The following SLC8A1 variants were observed in gnomAD, a reference collection of about 807,000 sequenced individuals.
The protein encoded by SLC8A1 is solute carrier family 8 member A1.
Under a neutral mutation model 68.3 loss-of-function variants are expected in SLC8A1, and 18 were observed. That is an observed-to-expected ratio of 0.26 (90% confidence interval 0.18 to 0.39). The LOEUF (loss-of-function observed/expected upper bound fraction) is 0.39, where lower values mean the gene tolerates loss of function less well. Ranked by LOEUF, SLC8A1 falls within the 10% of genes least tolerant of loss-of-function variation. SLC8A1 has a pLI of 1.00. For synonymous variants in SLC8A1, 475 were observed against 415.5 expected, an observed-to-expected ratio of 1.14 and a Z score of -1.74; for missense variants, 985 against 1,156.7, an observed-to-expected ratio of 0.85 and a Z score of 2.15.
upstream of SLC8A1, among the ~76,000 whole-genome samples, chr2:40,456,170 G>T (rs1012893907): frequency 6.6e-6 from 1 of 152,048 alleles, no homozygotes; most frequent in Non-Finnish European, 1.5e-5. Context: ...CAAAAAATTA[G>T]CCGGGCGTGG....
rs1294830567 is a variant in SLC8A1 at position 40,299,671 on chromosome 2, T to C, written c.1809-121816A>G. Among the ~76,000 whole-genome samples, 8 of 152,152 alleles carry C rather than the reference T, an allele frequency of 5.3e-5. No individual in the cohort carries two copies. In the East Asian group the frequency reaches 1.5e-3, roughly 29 times the overall value. ...TGCCTAAATCCTCCCCCACCTTCAA[T>C]GCCATTGCTCTATGCTACACCTGCA... On this transcript the variant is annotated intron_variant, in intron 2 of 7. Coordinates refer to ENST00000406785, the Ensembl canonical transcript of SLC8A1.
intron 1 of SLC8A1, among the ~76,000 whole-genome samples, chr2:40,484,097 A>T (rs1201258091): frequency 6.6e-6 from 1 of 152,238 alleles, no homozygotes; most frequent in Non-Finnish European, 1.5e-5. Context: ...TAACATGACT[A>T]TATATTTTAA....
chr2:40,361,224 C>G lies in SLC8A1; in HGVS notation c.1808+67249G>C, dbSNP rs192573361. 9.7e-4 allele frequency among the ~76,000 whole-genome samples: 148 copies of G among 152,234 alleles called. 2 individuals are homozygous for G. The highest frequency in any genetic ancestry group is 9.6e-3 in the Admixed American group (147 of 15,278). On this transcript the variant is annotated intron_variant, in intron 2 of 7. Coordinates refer to ENST00000406785, the Ensembl canonical transcript of SLC8A1. ...ATACTCTCTAAGCACACTAGGCAAT[C>G]AGTGCTTGCTAGGAGTTCACATAAT...
intron 2 of SLC8A1, among the ~76,000 whole-genome samples, chr2:40,239,879 A>G (rs1484390656): frequency 6.6e-6 from 1 of 152,184 alleles, no homozygotes; most frequent in Non-Finnish European, 1.5e-5. Context: ...TTGCATGTAG[A>G]TTACTTCTTT....
chr2:40,256,737 T>C (rs985339268), intron 2 of SLC8A1, among the ~76,000 whole-genome samples: 3 of 152,194 alleles, frequency 2.0e-5, no homozygotes, highest in Non-Finnish European at 1.5e-5. Flanking sequence ...CACCAGATTT[T>C]GAGCTGGGCT....
At chr2:40,390,723 C>T (rs548759924) in intron 2 of SLC8A1, among the ~76,000 whole-genome samples, 29 of 152,098 alleles carry the variant, frequency 1.9e-4, no homozygotes, top group African/African-American at 5.8e-4. Flanking sequence ...TTTAACAACC[C>T]GATATGTAAC....
At chr2:40,268,218 T>C (rs577158442) in intron 2 of SLC8A1, among the ~76,000 whole-genome samples, 1 of 152,250 alleles carries the variant, frequency 6.6e-6, no homozygotes, top group South Asian at 2.1e-4. Context: ...CCTTTGAGTG[T>C]AGTACCATTA....
intron 2 of SLC8A1, among the ~76,000 whole-genome samples, chr2:40,253,000 C>CT (rs2063118843): frequency 7.6e-6 from 1 of 132,206 alleles, no homozygotes; most frequent in Admixed American, 7.8e-5. Flanking sequence ...TATGTATATA[C>CT]ATATATATGT....
chr2:40,431,999 C>G (rs537829544), intron 1 of SLC8A1, among the ~76,000 whole-genome samples: 1 of 152,042 alleles, frequency 6.6e-6, no homozygotes, highest in Non-Finnish European at 1.5e-5. Flanking sequence ...GAATTCAAAA[C>G]TAAGTAAAAG....
At chr2:40,397,678 C>T (rs910819554) in intron 2 of SLC8A1, among the ~76,000 whole-genome samples, 27 of 152,274 alleles carry the variant, frequency 1.8e-4, no homozygotes, top group African/African-American at 6.5e-4. Flanking sequence ...TCAGGCCCTA[C>T]CCTGAGACAA....
intron 1 of SLC8A1, among the ~76,000 whole-genome samples, chr2:40,474,235 G>C (rs1435102481): frequency 1.3e-5 from 2 of 152,076 alleles, no homozygotes; most frequent in African/African-American, 2.4e-5. Context: ...ATATACTTAG[G>C]AATTAACAGA....
chr2:40,387,382 G>A (rs1683891709), intron 2 of SLC8A1, among the ~76,000 whole-genome samples: 1 of 151,466 alleles, frequency 6.6e-6, no homozygotes, highest in Non-Finnish European at 1.5e-5. Flanking sequence ...GGGGTAGGAT[G>A]GGAAGATACA....
intron 2 of SLC8A1, among the ~76,000 whole-genome samples, chr2:40,277,638 C>A (rs1411133405): frequency 6.6e-6 from 1 of 151,618 alleles, no homozygotes; most frequent in African/African-American, 2.4e-5. Context: ...CTGCAAAGAC[C>A]TTAGCCCAGC....
chr2:40,253,107 ATACGTG>A (rs1384251022), intron 2 of SLC8A1, among the ~76,000 whole-genome samples: 1 of 109,906 alleles, frequency 9.1e-6, no homozygotes, highest in African/African-American at 4.0e-5. Flanking sequence ...ATATACATAT[ATACGTG>A]TATACATATA....
At chr2:40,493,204 A>G (rs888924619) in intron 1 of SLC8A1, among the ~76,000 whole-genome samples, 3 of 152,086 alleles carry the variant, frequency 2.0e-5, no homozygotes, top group Admixed American at 6.6e-5. Context: ...AGGGACATGG[A>G]TGGAATTGGA....
At chr2:40,211,741 AG>A (rs1348970478) in intron 2 of SLC8A1, among the ~76,000 whole-genome samples, 1 of 152,218 alleles carries the variant, frequency 6.6e-6, no homozygotes, top group African/African-American at 2.4e-5. Flanking sequence ...GTCATCCTTA[AG>A]GGGCTGGATT....
intron 2 of SLC8A1, among the ~76,000 whole-genome samples, chr2:40,409,626 T>C (rs367679627): frequency 2.6e-4 from 40 of 152,134 alleles, no homozygotes; most frequent in East Asian, 1.2e-3. Flanking sequence ...GAAAAAGTGT[T>C]GGAGGTGGTG....
intron 2 of SLC8A1, among the ~76,000 whole-genome samples, chr2:40,279,357 G>C (rs1327044731): frequency 1.3e-5 from 2 of 152,172 alleles, no homozygotes; most frequent in East Asian, 1.9e-4. Context: ...TTTGAAAGAA[G>C]CGATTTGTTC....
intron 2 of SLC8A1, among the ~76,000 whole-genome samples, chr2:40,403,332 C>G (rs1689310668): frequency 6.6e-6 from 1 of 152,212 alleles, no homozygotes; most frequent in African/African-American, 2.4e-5. Context: ...GCTCTCGTTT[C>G]ATGGTTAGCA....
Sources: allele counts gnomAD v4.1 joint callset (sites outside exome capture counted in the v4.1 genomes callset), GRCh38; gene constraint gnomAD v4.1.1; transcripts MANE v1.5; gene names NCBI Gene and HGNC (gene_info 2026-07-23, HGNC 2026-07-21).